The following PNOC variants were observed in gnomAD, a reference collection of about 807,000 sequenced individuals.
The protein encoded by PNOC is nociceptin.
Under a neutral mutation model 15.6 loss-of-function variants are expected in PNOC, and 10 were observed. That is an observed-to-expected ratio of 0.64 (90% CI 0.40 to 1.09). PNOC has a LOEUF of 1.09. Among genes scored for constraint, PNOC ranks in the 50% least tolerant of loss-of-function variants. The pLI is 0.01. For synonymous variants in PNOC, 98 were observed against 88.5 expected (o/e 1.11, Z -0.60); for missense variants, 220 against 223.9 (o/e 0.98, Z 0.11).
chr8:28,331,686 G>C (rs1801331863), intron 2 of PNOC, among the ~76,000 whole-genome samples: 1 of 152,144 alleles, frequency 6.6e-6, no homozygotes, highest in African/African-American at 2.4e-5. Flanking sequence ...ATAAATCCCA[G>C]TCGCACTTCA....
intron 1 of PNOC, among the ~76,000 whole-genome samples, chr8:28,318,443 A>G (rs992313899): frequency 6.6e-6 from 1 of 152,252 alleles, no homozygotes; most frequent in African/African-American, 2.4e-5. Flanking sequence ...GGCATTCGCC[A>G]GCAAGCCCAA....
In PNOC at chr8:28,320,097, T is replaced by C. The variant is rs1161603231; in HGVS notation, c.-24+2781T>C. ...GTTTCTTTCTTTCTTTCTTTCTTTT[T>C]TTTTTTTTTTTTTTTTTTTTTTTTC... On this transcript the variant is annotated intron_variant, in intron 1 of 3. Transcript: ENST00000301908. Among the ~76,000 whole-genome samples, 6 of 90,754 alleles carry C rather than the reference T, an allele frequency of 6.6e-5. No individual in the cohort carries two copies. In the East Asian group the frequency reaches 9.5e-4, roughly 14 times the overall value. 59.5% of individuals were successfully genotyped at this position (90,754 alleles called of 152,430 possible). A position where few individuals can be genotyped will look rare whatever the true frequency, so the allele number is the denominator to read the frequency against.
At chr8:28,329,577 T>G (rs979116659) in intron 2 of PNOC, among the ~76,000 whole-genome samples, 1 of 152,180 alleles carries the variant, frequency 6.6e-6, no homozygotes, top group Admixed American at 6.5e-5. Context: ...TTCAGAAAAG[T>G]ATAAAACAAG....
chr8:28,342,709 G>A (rs1174196158), intron 3 of PNOC, among the ~76,000 whole-genome samples: 2 of 152,166 alleles, frequency 1.3e-5, no homozygotes, highest in Admixed American at 6.5e-5. Context: ...TGTGCCTATC[G>A]AGTCACAGCC....
intron 2 of PNOC, among the ~76,000 whole-genome samples, chr8:28,330,396 A>ATTTTATTTTATTTTATTTTTTTTT (rs377288105): frequency 3.7e-5 from 3 of 80,416 alleles, no homozygotes; most frequent in African/African-American, 1.2e-4. Context: ...ATTTTATTTT[A>ATTTTATTTTATTTTATTTTTTTTT]TTTTTTTTTT....
At chr8:28,340,777 G>A (rs1801503943) in intron 3 of PNOC, among the ~76,000 whole-genome samples, 1 of 152,176 alleles carries the variant, frequency 6.6e-6, no homozygotes, top group African/African-American at 2.4e-5. Context: ...CACATGGCAA[G>A]AGGGGGCAAG....
chr8:28,320,740 A>C (rs1235412529), intron 1 of PNOC, among the ~76,000 whole-genome samples: 2 of 151,226 alleles, frequency 1.3e-5, no homozygotes, highest in Admixed American at 1.3e-4. Flanking sequence ...AGTCCCAGCT[A>C]CTCGGGAGGC....
chr8:28,333,567 G>C (rs1400638288), intron 2 of PNOC, among the ~76,000 whole-genome samples: 1 of 152,202 alleles, frequency 6.6e-6, no homozygotes, highest in Non-Finnish European at 1.5e-5. Context: ...CCTCTCCTAA[G>C]TCAAGAGTTG....
intron 2 of PNOC, among the ~76,000 whole-genome samples, chr8:28,336,580 G>A (rs3735736): frequency 0.086 from 13,109 of 152,278 alleles, 630 homozygotes; most frequent in Middle Eastern, 0.12. Flanking sequence ...TCGGAAATAA[G>A]ACCTAGATGG....
chr8:28,338,538 A>G (rs1344391022), intron 2 of PNOC: 1 of 937,660 alleles, frequency 1.1e-6, no homozygotes, highest in Non-Finnish European at 1.3e-6. Context: ...AATTAACAAC[A>G]CCTAGGTAGA....
intron 2 of PNOC, 73 bp from the exon 3 acceptor site, chr8:28,338,967 A>G (rs1801461551): frequency 1.5e-6 from 2 of 1,372,304 alleles, no homozygotes. Flanking sequence ...GCAGTGGGCC[A>G]GATCTCCTCC....
At chr8:28,331,794 T>C (rs1801333703) in intron 2 of PNOC, among the ~76,000 whole-genome samples, 1 of 152,174 alleles carries the variant, frequency 6.6e-6, no homozygotes, top group South Asian at 2.1e-4. Flanking sequence ...TGATTGTTAG[T>C]TGTATCTGCA....
At chr8:28,338,855 C>A (rs1401106549) in intron 2 of PNOC, 185 bp from the exon 3 acceptor site, 30 of 1,053,758 alleles carry the variant, frequency 2.8e-5, no homozygotes, top group Admixed American at 6.8e-5. Flanking sequence ...TCAGATGATT[C>A]TCTGTTTGTT....
intron 1 of PNOC, among the ~76,000 whole-genome samples, chr8:28,319,669 A>T (rs1181108604): frequency 6.6e-6 from 1 of 152,184 alleles, no homozygotes; most frequent in Non-Finnish European, 1.5e-5. Flanking sequence ...CTCTACTTGC[A>T]CTGACACGGT....
rs147575133 is a variant in PNOC, at chr8:28,323,621, A to G, written c.-23-5514A>G. Among the ~76,000 whole-genome samples the G allele has an allele frequency of 1.5e-3, 228 of 152,380 alleles. 1 individual carries two copies. The highest frequency in any genetic ancestry group is 4.7e-3 in the African/African-American group (196 of 41,584). The stretch of plus-strand genomic sequence containing the variant: ...TCTCAGGACTTGTCTGCAGTCACAC[A>G]GGTCCACAGTGTAAGGTTTAAACAC... On this transcript the variant is annotated intron_variant, in intron 1 of 3. Transcript: ENST00000301908.
chr8:28,328,366 C>G (rs1801261465), intron 1 of PNOC, among the ~76,000 whole-genome samples: 1 of 152,178 alleles, frequency 6.6e-6, no homozygotes, highest in Non-Finnish European at 1.5e-5. Context: ...GCATGAGCCA[C>G]TGTGCCTGGC....
At chr8:28,320,034 T>C (rs562780521) in intron 1 of PNOC, among the ~76,000 whole-genome samples, 32 of 151,494 alleles carry the variant, frequency 2.1e-4, no homozygotes, top group African/African-American at 7.3e-4. Flanking sequence ...TTAGTTTCAG[T>C]CTCAATTTTC....
chr8:28,328,779 C>T (rs1320115528), intron 1 of PNOC, among the ~76,000 whole-genome samples: 3 of 152,226 alleles, frequency 2.0e-5, no homozygotes, highest in Admixed American at 6.5e-5. Flanking sequence ...CAAAGCGATG[C>T]CTTTAGCTCC....
At chr8:28,336,230 A>C (rs7008576) in intron 2 of PNOC, among the ~76,000 whole-genome samples, 8,904 of 152,338 alleles carry the variant, frequency 0.058, 393 homozygotes, top group Non-Finnish European at 0.096. Context: ...AGATTCCTGC[A>C]AGGGATTCAC....
Sources: allele counts gnomAD v4.1 joint callset (sites outside exome capture counted in the v4.1 genomes callset), GRCh38; gene constraint gnomAD v4.1.1; transcripts MANE v1.5; gene names NCBI Gene and HGNC (gene_info 2026-07-23, HGNC 2026-07-21).